Variants in RBBP8 observed in about 807,000 individuals in gnomAD.
The protein encoded by RBBP8 is RB binding protein 8, endonuclease.
RBBP8 carries 88 observed loss-of-function variants against 108.3 expected under a neutral mutation model. The ratio of observed to expected loss-of-function variants is 0.81; its 90% CI spans 0.68 to 0.97. The LOEUF (loss-of-function observed/expected upper bound fraction) is 0.97. Among genes scored for constraint, RBBP8 ranks in the 50% least tolerant of loss-of-function variants. The pLI is 0.00. For synonymous variants in RBBP8, 332 were observed against 348.2 expected (o/e 0.95, Z 0.52); for missense variants, 1,023 against 1,049.0 (o/e 0.98, Z 0.34).
intron 3 of RBBP8, among the ~76,000 whole-genome samples, chr18:22,928,201 CAA>C (rs369797539): frequency 2.1e-4 from 23 of 110,152 alleles, no homozygotes; most frequent in Admixed American, 3.8e-4. Context: ...ACTTTGTCTC[CAA>C]AAAAAAAAAA....
intron 15 of RBBP8, among the ~76,000 whole-genome samples, chr18:23,005,335 A>G (rs747374293): frequency 3.3e-5 from 5 of 152,234 alleles, no homozygotes; most frequent in African/African-American, 7.2e-5. Flanking sequence ...CAGATATGCT[A>G]ATTACCCTAA....
At position 23,001,601 on chromosome 18, in the gene RBBP8, T is replaced by C. The variant is rs1201103627; in HGVS notation, c.2159T>C (p.Met720Thr). The change falls in exon 15 of 19, where the codon ATG becomes ACG. Residue 720 changes from methionine (M) to threonine (T), a missense_variant. Met to Thr is a moderately conservative substitution (Grantham distance 81). Coordinates refer to ENST00000327155, the MANE Select transcript of RBBP8 (RefSeq NM_002894.3). Reference sequence around the variant, plus strand: ...TTTTACATAGATGAAGAAAGAAAAATGAATGATAGCTTGGAAGATATGTTT... The same window carrying C: ...TTTTACATAGATGAAGAAAGAAAAACGAATGATAGCTTGGAAGATATGTTT... ...GEKSSNEERK[M>T]NDSLEDMFDR... The C allele has an allele frequency of 6.2e-7, 1 of 1,613,998 alleles. No homozygotes were observed.
chr18:22,962,820 C>T (rs1240566278), intron 4 of RBBP8, among the ~76,000 whole-genome samples: 11 of 151,956 alleles, frequency 7.2e-5, no homozygotes, highest in Non-Finnish European at 1.5e-4. Flanking sequence ...AGGCTGGTCT[C>T]GAACTCCTGG....
chr18:22,968,310 A>G (rs1913796596), intron 4 of RBBP8, among the ~76,000 whole-genome samples: 1 of 150,930 alleles, frequency 6.6e-6, no homozygotes, highest in Non-Finnish European at 1.5e-5. Context: ...TGACCTCATG[A>G]TCCTGTCGCC....
At chr18:23,022,357 T>TTC in intron 18 of RBBP8, 87 bp downstream of exon 18, 2 of 1,328,458 alleles carry the variant, frequency 1.5e-6, no homozygotes, top group Non-Finnish European at 1.0e-6. Context: ...TCCCAACACT[T>TTC]TGAGAGGCCA....
At position 23,022,196 on chromosome 18, in the gene RBBP8, G is replaced by T. The variant is rs764537688; in HGVS notation, c.2522G>T (p.Arg841Leu). Residue 841 changes from arginine to leucine, a missense_variant, in exon 18 of 19, where the codon CGC becomes CTC. By Grantham distance (102) the Arg-to-Leu change is moderately radical. Transcript: ENST00000327155. ...KLASCSRHRF[R>L]YIPPNTPENF... The stretch of plus-strand genomic sequence containing the variant: ...GCTTCCTGCTCAAGACACCGATTCC[G>T]CTACATTCCACCCAACACACCAGAG... 6.2e-7 allele frequency: 1 copy of T among 1,611,370 alleles called. No individual in the cohort carries two copies. The highest frequency in any genetic ancestry group is 1.1e-5 in the South Asian group (1 of 91,042).
At chr18:22,966,560 G>A (rs1229819562) in intron 4 of RBBP8, among the ~76,000 whole-genome samples, 1 of 136,182 alleles carries the variant, frequency 7.3e-6, no homozygotes, top group African/African-American at 2.8e-5. Context: ...GCAACATAGT[G>A]AGACCCCATC....
chr18:22,953,779 G>T (rs1286350344), intron 4 of RBBP8, among the ~76,000 whole-genome samples: 2 of 150,252 alleles, frequency 1.3e-5, no homozygotes, highest in Non-Finnish European at 3.0e-5. Context: ...CCATTTTCAC[G>T]CTGATTTAAA....
chr18:22,960,655 G>A (rs1185462244), intron 4 of RBBP8, among the ~76,000 whole-genome samples: 1 of 152,090 alleles, frequency 6.6e-6, no homozygotes, highest in African/African-American at 2.4e-5. Context: ...GGGCGCAGTA[G>A]TGCAATAATA....
chr18:23,008,848 A>G (rs2046106272), intron 16 of RBBP8, among the ~76,000 whole-genome samples: 1 of 135,750 alleles, frequency 7.4e-6, no homozygotes, highest in Non-Finnish European at 1.5e-5. Flanking sequence ...ATCTCGGCTC[A>G]CTGCAAGCTC....
chr18:22,940,720 C>T (rs1330407115), intron 2 of RBBP8, among the ~76,000 whole-genome samples: 2 of 151,976 alleles, frequency 1.3e-5, no homozygotes, highest in Non-Finnish European at 2.9e-5. Context: ...AATCATGGTT[C>T]GCCGTAGCCT....
intron 4 of RBBP8, among the ~76,000 whole-genome samples, chr18:22,964,941 A>G (rs1228782233): frequency 1.3e-5 from 2 of 152,106 alleles, no homozygotes; most frequent in East Asian, 3.9e-4. Flanking sequence ...GTTCTTGGAA[A>G]CTATGACTTT....
chr18:22,969,454 T>C (rs1399277783), intron 5 of RBBP8, among the ~76,000 whole-genome samples: 1 of 152,182 alleles, frequency 6.6e-6, no homozygotes, highest in Admixed American at 6.5e-5. Context: ...TTATTTCTTT[T>C]GGTGACCATT....
chr18:22,929,308 C>T (rs1453670718), upstream of RBBP8: 1 of 151,868 alleles, frequency 6.6e-6, no homozygotes, highest in African/African-American at 2.4e-5. Flanking sequence ...TTTTAAAGAA[C>T]CTCTCAGACT....
chr18:22,958,958 C>A (rs1912832169), intron 4 of RBBP8, among the ~76,000 whole-genome samples: 1 of 152,194 alleles, frequency 6.6e-6, no homozygotes, highest in Admixed American at 6.5e-5. Context: ...TTCATTAGAT[C>A]CCTGCATTAA....
At chr18:23,019,479 A>G (rs867537963) in intron 17 of RBBP8, among the ~76,000 whole-genome samples, 6 of 152,154 alleles carry the variant, frequency 3.9e-5, no homozygotes, top group Admixed American at 2.6e-4. Context: ...CCCATTGCCT[A>G]TTCTGCAAGT....
chr18:23,017,834 C>T (rs1342487271), intron 17 of RBBP8, among the ~76,000 whole-genome samples: 1 of 147,004 alleles, frequency 6.8e-6, no homozygotes, highest in African/African-American at 2.5e-5. Context: ...GCAATCTCCA[C>T]CTCCCAGGTT....
intron 17 of RBBP8, among the ~76,000 whole-genome samples, chr18:23,020,587 G>A (rs1414281226): frequency 6.6e-6 from 1 of 151,568 alleles, no homozygotes; most frequent in Non-Finnish European, 1.5e-5. Flanking sequence ...AGCAATGAAT[G>A]GCCTTTTTTT....
chr18:23,006,318 ATTAAG>A, intron 15 of RBBP8, 40 bp from the exon 16 acceptor site: 1 of 1,523,994 alleles, frequency 6.6e-7, no homozygotes, highest in Non-Finnish European at 9.1e-7. Flanking sequence ...ATTATTTCTC[ATTAAG>A]TTCTACATTT....
Sources: allele counts gnomAD v4.1 joint callset (sites outside exome capture counted in the v4.1 genomes callset), GRCh38; gene constraint gnomAD v4.1.1; transcripts MANE v1.5; gene names NCBI Gene and HGNC (gene_info 2026-07-23, HGNC 2026-07-21).